The following NAV3 variants were observed in gnomAD, a reference collection of about 807,000 sequenced individuals.
NAV3 encodes neuron navigator 3.
NAV3 carries 87 observed loss-of-function variants against 244.7 expected under a neutral mutation model. The ratio of observed to expected loss-of-function variants is 0.36; its 90% CI spans 0.30 to 0.42. The LOEUF is 0.42. Among genes scored for constraint, NAV3 ranks in the 20% least tolerant of loss-of-function variants. The probability of loss-of-function intolerance (pLI) is 1.00; values close to 1 mark genes in which losing one functional copy is unlikely to be tolerated. For missense variants in NAV3, 2,663 were observed against 2,893.3 expected, an observed-to-expected ratio of 0.92 and a Z score of 1.83; for synonymous variants, 1,126 against 1,042.2, an observed-to-expected ratio of 1.08 and a Z score of -1.55.
intron 2 of NAV3, among the ~76,000 whole-genome samples, chr12:77,689,625 A>G (rs1009943852): frequency 6.6e-6 from 1 of 151,874 alleles, no homozygotes; most frequent in Non-Finnish European, 1.5e-5. Context: ...TGATTGTAGA[A>G]ATACTATTCT....
At position 77,817,836 on chromosome 12, in the gene NAV3, G is replaced by A. The variant is rs903062877; in HGVS notation, c.73-122483G>A. On this transcript the variant is annotated intron_variant, in intron 2 of 8. Coordinates refer to the NAV3 transcript ENST00000550042. ...ATTTATCTAATTTTAATCCTCAAAG[G>A]TAAATTCAGCTGGATAAATGTGTTC... Among the ~76,000 whole-genome samples the A allele has an allele frequency of 7.9e-5, 12 of 152,156 alleles. 1 individual carries two copies. The highest frequency in any genetic ancestry group is 4.1e-4 in the South Asian group (2 of 4,826).
At chr12:78,162,903 A>AAT (rs1345014317) in intron 23 of NAV3, among the ~76,000 whole-genome samples, 1 of 128,864 alleles carries the variant, frequency 7.8e-6, no homozygotes, top group Non-Finnish European at 1.8e-5. Context: ...TATATATATA[A>AAT]ATATATATAT....
chr12:77,654,676 C>T (rs1263670424), intron 2 of NAV3, among the ~76,000 whole-genome samples: 1 of 152,152 alleles, frequency 6.6e-6, no homozygotes, highest in East Asian at 1.9e-4. Context: ...TGACCCCTGA[C>T]CCCTGAGCAG....
rs1447198649 is a variant in NAV3 at position 77,818,185 on chromosome 12, C to G, written c.73-122134C>G. 5.3e-5 allele frequency among the ~76,000 whole-genome samples: 8 copies of G among 152,172 alleles called. No homozygotes were observed. The Middle Eastern group carries it at 0.01, about 194-fold the overall frequency. On this transcript the variant is annotated intron_variant, in intron 2 of 8. Transcript: ENST00000550042. ...TTTAACCAATACTTAGTAAGCCATGCAACTGAACTTATTTTCCCTAAAGTT... is the reference window on the plus strand; with the variant it reads ...TTTAACCAATACTTAGTAAGCCATGGAACTGAACTTATTTTCCCTAAAGTT...
intron 20 of NAV3, among the ~76,000 whole-genome samples, chr12:78,144,609 T>C (rs1956773015): frequency 6.6e-6 from 1 of 152,012 alleles, no homozygotes; most frequent in Admixed American, 6.6e-5. Context: ...ATACGGTATG[T>C]ATATAATAGA....
Position 78,174,424 on chromosome 12 carries a change from A to C in NAV3, c.4982-882A>C, listed in dbSNP as rs950772029. Among the ~76,000 whole-genome samples, 34 of 151,824 alleles carry C rather than the reference A, an allele frequency of 2.2e-4. No homozygotes were observed. In the Admixed American group the frequency reaches 2.2e-3, roughly 10 times the overall value. ...GTACATGGCTTTTAACACAATGGAT[A>C]TTAGAAACAGCCTAAGGCTGAGACT... is the stretch of plus-strand genomic sequence containing the variant. On this transcript the variant is annotated intron_variant, in intron 24 of 39. Coordinates refer to ENST00000397909, the MANE Select transcript of NAV3 (RefSeq NM_001024383.2).
At chr12:77,863,092 C>A (rs1160140009) in intron 1 of NAV3, among the ~76,000 whole-genome samples, 1 of 151,766 alleles carries the variant, frequency 6.6e-6, no homozygotes, top group Non-Finnish European at 1.5e-5. Context: ...TCTTAAAAAT[C>A]TTTGTTAAAT....
At chr12:77,909,408 A>G (rs1195974640) in intron 1 of NAV3, among the ~76,000 whole-genome samples, 1 of 151,894 alleles carries the variant, frequency 6.6e-6, no homozygotes, top group Non-Finnish European at 1.5e-5. Context: ...AAGAAGAAGC[A>G]TAAGAAATAC....
At chr12:77,883,064 G>T (rs1882858413) in intron 1 of NAV3, among the ~76,000 whole-genome samples, 2 of 152,094 alleles carry the variant, frequency 1.3e-5, no homozygotes, top group African/African-American at 2.4e-5. Context: ...CAACCATTTT[G>T]ACCCAGCAAT....
intron 19 of NAV3, among the ~76,000 whole-genome samples, 187 bp from the exon 20 acceptor site, chr12:78,140,095 A>G (rs974678141): frequency 1.1e-4 from 16 of 152,114 alleles, no homozygotes; most frequent in African/African-American, 3.6e-4. Context: ...GGGAGTATGG[A>G]TGGGGCTCTT....
intron 2 of NAV3, among the ~76,000 whole-genome samples, chr12:77,588,249 G>A (rs1241409768): frequency 1.3e-5 from 2 of 151,934 alleles, no homozygotes; most frequent in Non-Finnish European, 2.9e-5. Context: ...GAGTAGCTGG[G>A]ACTACAGGTG....
intron 2 of NAV3, among the ~76,000 whole-genome samples, chr12:77,699,216 T>C (rs931685717): frequency 6.6e-6 from 1 of 152,146 alleles, no homozygotes; most frequent in East Asian, 1.9e-4. Context: ...AACAGGGTTG[T>C]CTGGCCTTGA....
intron 2 of NAV3, among the ~76,000 whole-genome samples, chr12:77,716,304 G>A (rs533595866): frequency 1.1e-3 from 158 of 149,938 alleles, no homozygotes; most frequent in Non-Finnish European, 1.9e-3. Context: ...TGGTATTTTT[G>A]GAAATTATTT....
intron 31 of NAV3, among the ~76,000 whole-genome samples, chr12:78,186,978 T>C (rs1958749402): frequency 6.6e-6 from 1 of 151,874 alleles, no homozygotes; most frequent in African/African-American, 2.4e-5. Context: ...AATCCCATCA[T>C]GAAAGTCCCA....
chr12:77,777,786 A>G (rs137920488), intron 2 of NAV3, among the ~76,000 whole-genome samples: 198 of 150,702 alleles, frequency 1.3e-3, no homozygotes, highest in African/African-American at 4.6e-3. Context: ...AAATGTTAGT[A>G]ATTTTCTTTA....
intron 31 of NAV3, among the ~76,000 whole-genome samples, chr12:78,186,853 C>A (rs1958744324): frequency 6.6e-6 from 1 of 151,834 alleles, no homozygotes; most frequent in African/African-American, 2.4e-5. Context: ...TGAGGGCTCT[C>A]TTTTTGCATT....
intron 12 of NAV3, among the ~76,000 whole-genome samples, chr12:78,087,741 G>A (rs191159280): frequency 3.4e-4 from 52 of 151,974 alleles, no homozygotes; most frequent in African/African-American, 1.2e-3. Context: ...CAGTGTTTTA[G>A]AAATAACATG....
intron 2 of NAV3, among the ~76,000 whole-genome samples, chr12:77,731,671 G>T (rs557958488): frequency 1.3e-5 from 2 of 152,038 alleles, no homozygotes; most frequent in African/African-American, 4.8e-5. Context: ...CAAGAAGACG[G>T]AGCTAAAAGA....
intron 12 of NAV3, among the ~76,000 whole-genome samples, chr12:78,098,955 G>T (rs952032160): frequency 3.4e-4 from 49 of 143,342 alleles, no homozygotes; most frequent in African/African-American, 6.6e-4. Flanking sequence ...AGTATCCAGG[G>T]TTTTTTTTTT....
Sources: gnomAD v4.1 joint callset for allele counts (sites outside exome capture counted in the v4.1 genomes callset) on GRCh38, gnomAD v4.1.1 for gene constraint, MANE v1.5 for transcripts, NCBI Gene and HGNC (gene_info 2026-07-23, HGNC 2026-07-21) for gene names.